SNX29: variants seen among roughly 807,000 people sequenced by gnomAD.
SNX29 encodes the protein sorting nexin 29.
SNX29 carries 78 observed loss-of-function variants against 102.1 expected under a neutral mutation model. That is an observed-to-expected ratio of 0.76 (90% CI 0.64 to 0.92). The LOEUF is 0.92. Ranked by LOEUF, SNX29 falls within the 40% of genes least tolerant of loss-of-function variation. The pLI is 0.00. For missense variants in SNX29, 1,280 were observed against 1,061.7 expected (o/e 1.21, Z -2.86); for synonymous variants, 580 against 414.5 (o/e 1.40, Z -4.85).
At chr16:12,124,514 T>A (rs1293153625) in intron 11 of SNX29, among the ~76,000 whole-genome samples, 1 of 152,062 alleles carries the variant, frequency 6.6e-6, no homozygotes, top group African/African-American at 2.4e-5. Context: ...CTTAGCGGAG[T>A]TGGTCTTTTG....
At chr16:12,396,600 C>T (rs1417266365) in intron 16 of SNX29, among the ~76,000 whole-genome samples, 1 of 152,178 alleles carries the variant, frequency 6.6e-6, no homozygotes, top group East Asian at 1.9e-4. Flanking sequence ...AAGATACTGG[C>T]GTCCTCCACA....
intron 16 of SNX29, among the ~76,000 whole-genome samples, chr16:12,385,810 A>C (rs2083320869): frequency 1.3e-5 from 2 of 152,220 alleles, no homozygotes; most frequent in Non-Finnish European, 2.9e-5. Flanking sequence ...CCCACATAAC[A>C]GATACAGAAA....
At chr16:12,330,484 C>T (rs144590600) in intron 15 of SNX29, among the ~76,000 whole-genome samples, 57 of 152,296 alleles carry the variant, frequency 3.7e-4, no homozygotes, top group East Asian at 1.2e-3. Flanking sequence ...TTAACACTCA[C>T]GCAATGCATC....
At chr16:12,542,279 TGGAGGAA>T (rs1467956156) in intron 20 of SNX29, among the ~76,000 whole-genome samples, 1 of 151,452 alleles carries the variant, frequency 6.6e-6, no homozygotes, top group African/African-American at 2.4e-5. Flanking sequence ...CATGGAGAAA[TGGAGGAA>T]CTTGCCCAAG....
intron 20 of SNX29, among the ~76,000 whole-genome samples, chr16:12,539,141 G>A (rs548993302): frequency 1.3e-5 from 2 of 152,246 alleles, no homozygotes; most frequent in African/African-American, 4.8e-5. Context: ...TTTACACAGT[G>A]CAATTGACTT....
chr16:12,111,427 C>T (rs1481751743), intron 11 of SNX29, among the ~76,000 whole-genome samples: 3 of 152,204 alleles, frequency 2.0e-5, no homozygotes, highest in Non-Finnish European at 4.4e-5. Flanking sequence ...TTGAGCCGTT[C>T]CTCAGACTTG....
At chr16:12,471,863 A>T (rs1024491331) in intron 18 of SNX29, among the ~76,000 whole-genome samples, 1 of 152,254 alleles carries the variant, frequency 6.6e-6, no homozygotes, top group Admixed American at 6.5e-5. Context: ...TGCCCTGCAC[A>T]AGAATCCTTT....
chr16:12,261,728 A>G (rs1190811246), intron 14 of SNX29, among the ~76,000 whole-genome samples: 4 of 110,976 alleles, frequency 3.6e-5, no homozygotes, highest in Non-Finnish European at 7.0e-5. Flanking sequence ...CCCCGGCTGG[A>G]GTGAGTGTTT....
rs1379631792 is a variant in SNX29 at position 12,569,485 on chromosome 16, A to C, written c.*856A>C. On this transcript the variant is annotated 3_prime_UTR_variant, in exon 21 of 21. Transcript: ENST00000566228. The stretch of plus-strand genomic sequence containing the variant: ...GAGACTTGGGTCAGGGAACCACTGC[A>C]GAAGGTTCCAGGGTTTTCAAACCAG... 4.3e-6 allele frequency: 1 copy of C among 231,392 alleles called. No homozygotes were observed. Among genetic ancestry groups the C allele is most frequent in the Non-Finnish European group, 8.6e-6 (1 of 116,952 alleles). 14.3% of individuals were successfully genotyped at this position (231,392 alleles called of 1,614,324 possible). A position where few individuals can be genotyped will look rare whatever the true frequency, so the allele number is the denominator to read the frequency against.
Position 12,571,807 on chromosome 16 carries a change from A to T in SNX29, c.*3178A>T, listed in dbSNP as rs902499558. 1 of 1,029,798 alleles carries T rather than the reference A, an allele frequency of 9.7e-7. No individual in the cohort carries two copies. Among genetic ancestry groups the T allele is most frequent in the Non-Finnish European group, 1.2e-6 (1 of 848,180 alleles). 63.8% of individuals were successfully genotyped at this position (1,029,798 alleles called of 1,614,324 possible). ...CCACTCTTCCTGCAATCAGTGTGAA[A>T]TTCCAGCTTCTTTGATTCCCACTTA... On this transcript the variant is annotated 3_prime_UTR_variant, in exon 21 of 21. Transcript: ENST00000566228.
rs201318622 is a variant in SNX29 at position 12,505,776 on chromosome 16, A to AG, written c.2179-18926_2179-18925insG. ...TTGTCAATTCTGCAAAAAAAAAAAAAAAAAAAAGGCAACTGGGATTTTGAG... is the reference window on the plus strand; with the variant it reads ...TTGTCAATTCTGCAAAAAAAAAAAAAGAAAAAAAGGCAACTGGGATTTTGAG... On this transcript the variant is annotated intron_variant, in intron 19 of 20. Transcript: ENST00000566228. Among the ~76,000 whole-genome samples, 699 of 150,950 alleles carry AG rather than the reference A, an allele frequency of 4.6e-3. 10 individuals are homozygous for AG. The highest frequency in any genetic ancestry group is 0.016 in the African/African-American group (671 of 41,222).
chr16:12,403,412 G>C (rs202081368), intron 17 of SNX29, 36 bp from the exon 18 acceptor site: 1 of 1,552,920 alleles, frequency 6.4e-7, no homozygotes. Context: ...AAGTTAAAAT[G>C]TCTAATGTTG....
chr16:12,466,832 C>T (rs568147455), intron 18 of SNX29, among the ~76,000 whole-genome samples: 3 of 152,328 alleles, frequency 2.0e-5, no homozygotes, highest in South Asian at 2.1e-4. Context: ...AGTCCATTAA[C>T]TTAGCAGGGT....
chr16:12,275,961 C>T (rs534180858), intron 14 of SNX29, among the ~76,000 whole-genome samples: 7 of 146,406 alleles, frequency 4.8e-5, no homozygotes, highest in South Asian at 2.2e-4. Context: ...GGCACCATCT[C>T]GGCTCGCTGC....
At chr16:12,326,557 A>G (rs1270840665) in intron 15 of SNX29, among the ~76,000 whole-genome samples, 1 of 152,130 alleles carries the variant, frequency 6.6e-6, no homozygotes, top group Non-Finnish European at 1.5e-5. Flanking sequence ...TGATACATAA[A>G]TGAATGGGTG....
chr16:12,499,823 G>A (rs371514684), intron 19 of SNX29, among the ~76,000 whole-genome samples: 7 of 151,924 alleles, frequency 4.6e-5, no homozygotes, highest in African/African-American at 7.3e-5. Context: ...CCACAGTTAC[G>A]CACAACCATG....
At position 12,564,084 on chromosome 16, in the gene SNX29, AAT is replaced by A. The variant is rs146637913; in HGVS notation, c.2319-4419_2319-4418del. ...ACGATGCTGTATTTTGGGAGTTTGT[AAT>A]ATCTTTGTAAAATCCTCCTTGATTG... On this transcript the variant is annotated intron_variant, in intron 20 of 20. Coordinates refer to ENST00000566228, the MANE Select transcript of SNX29 (RefSeq NM_032167.5). Among the ~76,000 whole-genome samples, 1,167 of 152,164 alleles carry A rather than the reference AAT, an allele frequency of 7.7e-3. 35 individuals carry two copies. Among genetic ancestry groups the A allele is most frequent in the Admixed American group, 0.051 (781 of 15,278 alleles).
chr16:12,523,127 C>T (rs2090161788), intron 19 of SNX29, among the ~76,000 whole-genome samples: 1 of 152,176 alleles, frequency 6.6e-6, no homozygotes, highest in Admixed American at 6.5e-5. Flanking sequence ...GGGAGCTCTT[C>T]ACCGGGGACC....
chr16:12,477,812 C>G lies in SNX29; in HGVS notation c.2131C>G (p.Gln711Glu). ...CCACAAGTTACAAAACAAGTACCCT[C>G]AAGTGAGGGCCTACAACTTCCCACC... ...LHHKLQNKYPQVRAYNFPPKK... is the reference protein window; with the variant it reads ...LHHKLQNKYPEVRAYNFPPKK... Residue 711 changes from glutamine (Q) to glutamate (E), a missense_variant, in exon 19 of 21, where the codon CAA becomes GAA. Physicochemically the swap from Gln to Glu is conservative, Grantham distance 29. Transcript: ENST00000566228. 5 of 1,613,148 alleles carry G rather than the reference C, an allele frequency of 3.1e-6. No homozygotes were observed. The highest frequency in any genetic ancestry group is 1.1e-5 in the South Asian group (1 of 90,958).
Sources: gnomAD v4.1 joint callset for allele counts (sites outside exome capture counted in the v4.1 genomes callset) on GRCh38, gnomAD v4.1.1 for gene constraint, MANE v1.5 for transcripts, NCBI Gene and HGNC (gene_info 2026-07-23, HGNC 2026-07-21) for gene names.